The following COMMD10 variants were observed in gnomAD, a reference collection of about 807,000 sequenced individuals.
COMMD10 encodes COMM domain containing 10.
COMMD10 carries 33 observed loss-of-function variants against 28.9 expected under a neutral mutation model. The ratio of observed to expected loss-of-function variants is 1.14; its 90% CI spans 0.87 to 1.53. The LOEUF is 1.53. COMMD10 is among the 40% of genes most tolerant of loss of function. The pLI is 0.00. For missense variants in COMMD10, 310 were observed against 233.4 expected, an observed-to-expected ratio of 1.33 and a Z score of -2.14; for synonymous variants, 110 against 81.7, an observed-to-expected ratio of 1.35 and a Z score of -1.87.
At chr5:116,279,334 T>G (rs1751005562) in intron 5 of COMMD10, among the ~76,000 whole-genome samples, 1 of 151,922 alleles carries the variant, frequency 6.6e-6, no homozygotes, top group African/African-American at 2.4e-5. Context: ...AAACTGTACT[T>G]TTCAAAAATT....
chr5:116,133,644 A>C (rs969686019), intron 4 of COMMD10, among the ~76,000 whole-genome samples: 2 of 152,194 alleles, frequency 1.3e-5, no homozygotes, highest in Non-Finnish European at 2.9e-5. Flanking sequence ...ATTTTGGAAG[A>C]TAGTGGGAAG....
intron 4 of COMMD10, among the ~76,000 whole-genome samples, chr5:116,127,865 TG>T (rs1751714741): frequency 6.6e-6 from 1 of 152,056 alleles, no homozygotes; most frequent in South Asian, 2.1e-4. Context: ...ACATGGCACA[TG>T]TATACATATG....
At chr5:116,268,272 C>T (rs1750655191) in intron 5 of COMMD10, among the ~76,000 whole-genome samples, 1 of 151,600 alleles carries the variant, frequency 6.6e-6, no homozygotes, top group Admixed American at 6.6e-5. Context: ...CAAACAACTC[C>T]ATCAAAAAGT....
intron 3 of COMMD10, among the ~76,000 whole-genome samples, chr5:116,092,262 C>T (rs183674046): frequency 4.7e-4 from 71 of 152,098 alleles, no homozygotes; most frequent in Admixed American, 1.5e-3. Context: ...ATAGCCAAAG[C>T]AAAGAAGAAG....
At chr5:116,133,959 T>C in intron 4 of COMMD10, 109 bp from the exon 5 acceptor site, 2 of 646,148 alleles carry the variant, frequency 3.1e-6, no homozygotes. Context: ...TGACTTTCTG[T>C]GAAGCCTAGG....
intron 1 of COMMD10, 112 bp downstream of exon 1, chr5:116,085,205 A>AGTAGG (rs1561591024): frequency 5.4e-6 from 1 of 185,790 alleles, no homozygotes; most frequent in East Asian, 1.8e-4. Flanking sequence ...GGCCCGGTTG[A>AGTAGG]GTGGGGTGGG....
At chr5:116,250,788 C>T (rs1446400071) in intron 5 of COMMD10, among the ~76,000 whole-genome samples, 1 of 151,952 alleles carries the variant, frequency 6.6e-6, no homozygotes, top group East Asian at 1.9e-4. Flanking sequence ...GAGCTCAAAA[C>T]AGGAGACTCA....
intron 5 of COMMD10, among the ~76,000 whole-genome samples, chr5:116,160,364 G>A (rs1207078812): frequency 6.6e-6 from 1 of 152,148 alleles, no homozygotes; most frequent in African/African-American, 2.4e-5. Flanking sequence ...TTGGCAATGA[G>A]CTAAATCCAT....
chr5:116,091,814 A>C (rs1031810545), intron 3 of COMMD10, among the ~76,000 whole-genome samples: 30 of 152,328 alleles, frequency 2.0e-4, no homozygotes, highest in African/African-American at 7.2e-4. Flanking sequence ...GGTGTGCTTA[A>C]AATAGATCCT....
intron 5 of COMMD10, among the ~76,000 whole-genome samples, chr5:116,156,943 A>T (rs967116143): frequency 6.6e-5 from 10 of 152,174 alleles, no homozygotes; most frequent in African/African-American, 2.2e-4. Context: ...CTTTGTTGCC[A>T]TATTGCCTTA....
At chr5:116,279,782 T>C (rs879409602) in intron 5 of COMMD10, among the ~76,000 whole-genome samples, 1 of 151,762 alleles carries the variant, frequency 6.6e-6, no homozygotes, top group Non-Finnish European at 1.5e-5. Context: ...TACAAAGAGA[T>C]TTGATTACAT....
intron 5 of COMMD10, among the ~76,000 whole-genome samples, chr5:116,266,743 C>T (rs1427376875): frequency 6.6e-6 from 1 of 151,826 alleles, no homozygotes. Context: ...AAAAGCTTAA[C>T]CACCATGATC....
chr5:116,252,055 G>A (rs528460933), intron 5 of COMMD10, among the ~76,000 whole-genome samples: 33 of 149,806 alleles, frequency 2.2e-4, no homozygotes, highest in South Asian at 1.0e-3. Flanking sequence ...GCCAGTGATG[G>A]TGAGCATTTT....
At chr5:116,242,025 C>A (rs190353815) in intron 5 of COMMD10, among the ~76,000 whole-genome samples, 1 of 152,116 alleles carries the variant, frequency 6.6e-6, no homozygotes, top group East Asian at 1.9e-4. Flanking sequence ...AAAGGCAGAC[C>A]TATGTCACCT....
intron 5 of COMMD10, among the ~76,000 whole-genome samples, chr5:116,174,452 A>T (rs184689376): frequency 6.6e-6 from 1 of 152,312 alleles, no homozygotes; most frequent in African/African-American, 2.4e-5. Flanking sequence ...TCTGAATTAT[A>T]GTCTACAAGG....
Position 116,226,113 on chromosome 5 carries a change from C to T in COMMD10, c.511-65404C>T, listed in dbSNP as rs1580563664. 2.0e-5 allele frequency among the ~76,000 whole-genome samples: 3 copies of T among 152,106 alleles called. No individual in the cohort carries two copies. In the South Asian group the frequency reaches 6.2e-4, roughly 32 times the overall value. The stretch of plus-strand genomic sequence containing the variant: ...CAGTATGAACTCTCAATTCTTACCC[C>T]TTCTAGTTTTCAAAATAAAACTCTC... On this transcript the variant is annotated intron_variant, in intron 5 of 6. Transcript: ENST00000274458.
chr5:116,238,269 C>A (rs1329421699), intron 5 of COMMD10, among the ~76,000 whole-genome samples: 2 of 151,884 alleles, frequency 1.3e-5, no homozygotes, highest in Non-Finnish European at 2.9e-5. Flanking sequence ...GCATTGGTGA[C>A]AGAAAAACTG....
At chr5:116,115,298 C>T (rs1367643849) in intron 4 of COMMD10, among the ~76,000 whole-genome samples, 2 of 152,182 alleles carry the variant, frequency 1.3e-5, no homozygotes, top group Non-Finnish European at 2.9e-5. Flanking sequence ...CACAGAAAGA[C>T]ACTCAGTTAC....
At chr5:116,194,188 T>C (rs1748445781) in intron 5 of COMMD10, among the ~76,000 whole-genome samples, 2 of 152,110 alleles carry the variant, frequency 1.3e-5, no homozygotes, top group African/African-American at 2.4e-5. Context: ...GGAAAGTTCA[T>C]AGCCCTAAAT....
Sources: allele counts gnomAD v4.1 joint callset (sites outside exome capture counted in the v4.1 genomes callset), GRCh38; gene constraint gnomAD v4.1.1; transcripts MANE v1.5; gene names NCBI Gene and HGNC (gene_info 2026-07-23, HGNC 2026-07-21).